Variants in BICDL1 observed in about 807,000 individuals in gnomAD.
BICDL1 encodes BICD family like cargo adaptor 1.
BICDL1 carries 20 observed loss-of-function variants against 76.8 expected under a neutral mutation model. That is an observed-to-expected ratio of 0.26 (90% CI 0.18 to 0.38). The LOEUF is 0.38. BICDL1 is among the 10% of genes least tolerant of loss of function. The pLI is 1.00. For synonymous variants in BICDL1, 383 were observed against 337.1 expected (o/e 1.14, Z -1.49); for missense variants, 700 against 798.6 (o/e 0.88, Z 1.49).
intron 2 of BICDL1, among the ~76,000 whole-genome samples, chr12:120,043,083 G>T (rs1157762992): frequency 6.6e-6 from 1 of 152,238 alleles, no homozygotes; most frequent in East Asian, 1.9e-4. Context: ...CCTAATCTTG[G>T]CTAGCTTCAG....
intron 3 of BICDL1, among the ~76,000 whole-genome samples, chr12:120,064,111 A>C (rs904809055): frequency 6.6e-5 from 10 of 152,226 alleles, no homozygotes; most frequent in Non-Finnish European, 1.5e-4. Flanking sequence ...TAAAGTCAGC[A>C]TTCACTTGTA....
chr12:120,089,378 G>T (rs1874757785), intron 8 of BICDL1, among the ~76,000 whole-genome samples: 1 of 148,822 alleles, frequency 6.7e-6, no homozygotes, highest in Non-Finnish European at 1.5e-5. Flanking sequence ...CTTTCAACGT[G>T]TGTGTGTGTG....
At chr12:120,011,846 C>A (rs1001496359) in intron 2 of BICDL1, among the ~76,000 whole-genome samples, 19 of 152,046 alleles carry the variant, frequency 1.2e-4, no homozygotes, top group African/African-American at 4.3e-4. Context: ...AATGAATTGA[C>A]CTGGAAAACA....
chr12:120,084,919 CT>C (rs1157913193), intron 8 of BICDL1, among the ~76,000 whole-genome samples: 1 of 151,264 alleles, frequency 6.6e-6, no homozygotes, highest in African/African-American at 2.4e-5. Flanking sequence ...TACTCATACT[CT>C]AACCTCACTT....
At chr12:120,051,056 G>C (rs1016553152) in intron 2 of BICDL1, among the ~76,000 whole-genome samples, 2 of 150,356 alleles carry the variant, frequency 1.3e-5, no homozygotes, top group Admixed American at 1.3e-4. Context: ...CCCCGAGACA[G>C]AGTCTTGCTC....
chr12:120,088,660 CT>C (rs1829499974), intron 8 of BICDL1, among the ~76,000 whole-genome samples: 1 of 138,392 alleles, frequency 7.2e-6, no homozygotes, highest in Admixed American at 7.4e-5. Context: ...CCTGGCCACA[CT>C]TTATGGGGTT....
At chr12:120,014,015 C>G (rs1272460337) in intron 2 of BICDL1, among the ~76,000 whole-genome samples, 2 of 152,078 alleles carry the variant, frequency 1.3e-5, no homozygotes, top group Non-Finnish European at 2.9e-5. Context: ...GCACTAAGGC[C>G]GTAGGAGGAT....
chr12:120,012,659 T>C (rs1009696701), intron 2 of BICDL1, among the ~76,000 whole-genome samples: 5 of 152,218 alleles, frequency 3.3e-5, no homozygotes, highest in Admixed American at 6.5e-5. Flanking sequence ...GTAATAGATA[T>C]CAATTCTATG....
rs1317940303 is a variant in BICDL1 at position 120,074,506 on chromosome 12, A to T, written c.1372A>T (p.Arg458Ter). The T allele has an allele frequency of 7.8e-7, 1 of 1,281,838 alleles. No individual in the cohort carries two copies. Among genetic ancestry groups the T allele is most frequent in the Non-Finnish European group, 1.0e-6 (1 of 985,188 alleles). The allele number at this position is 1,281,838 out of a possible 1,614,324, so 79.4% of individuals were successfully genotyped here. The change falls in exon 7 of 10, where the codon AGA (arginine) becomes TGA (stop). Residue 458 changes from arginine (R) to a stop codon, truncating the protein, a stop_gained. Coordinates refer to ENST00000548673, the MANE Select transcript of BICDL1 (RefSeq NM_001367886.1). LOFTEE classifies it high-confidence loss of function. Reference sequence around the variant, plus strand: ...GATAAGGCAGACCAGTGAGGACTCGAGAGCCCTAAGGGAGCTCATGGAGGG... The same window carrying T: ...GATAAGGCAGACCAGTGAGGACTCGTGAGCCCTAAGGGAGCTCATGGAGGG... ...EQIRQTSEDSRALRELMEGER... is the reference protein window; with the variant it reads ...EQIRQTSEDS
intron 2 of BICDL1, among the ~76,000 whole-genome samples, chr12:120,052,335 G>C (rs1439729474): frequency 7.4e-6 from 1 of 135,852 alleles, no homozygotes; most frequent in Non-Finnish European, 1.6e-5. Flanking sequence ...CTCTTTCTCT[G>C]TTTCTCTTTT....
chr12:120,001,045 T>C (rs974040935), intron 2 of BICDL1, among the ~76,000 whole-genome samples: 8 of 152,308 alleles, frequency 5.3e-5, no homozygotes, highest in Admixed American at 5.2e-4. Context: ...TGTTATCCTT[T>C]CTGGCCTTGA....
chr12:120,049,678 C>T (rs976313578), intron 2 of BICDL1, among the ~76,000 whole-genome samples: 6 of 152,206 alleles, frequency 3.9e-5, no homozygotes, highest in Non-Finnish European at 5.9e-5. Flanking sequence ...AGTATTGCCT[C>T]GGTCCCATTC....
intron 2 of BICDL1, among the ~76,000 whole-genome samples, chr12:120,039,085 T>A (rs748761065): frequency 2.7e-5 from 4 of 150,690 alleles, no homozygotes; most frequent in Non-Finnish European, 4.4e-5. Context: ...TCACCTGAGG[T>A]CAGGAGTTTG....
intron 2 of BICDL1, among the ~76,000 whole-genome samples, chr12:120,005,176 A>G (rs989535933): frequency 2.6e-5 from 4 of 152,200 alleles, no homozygotes; most frequent in Non-Finnish European, 4.4e-5. Context: ...TGGCAAAAAG[A>G]ATTCATGTTC....
At chr12:120,091,595 A>G in intron 9 of BICDL1, 2 of 984,640 alleles carry the variant, frequency 2.0e-6, no homozygotes, top group Non-Finnish European at 2.4e-6. Context: ...AGAGAAGGGA[A>G]GAAGACAAGG....
At chr12:120,037,588 A>G (rs1952552547) in intron 2 of BICDL1, among the ~76,000 whole-genome samples, 1 of 152,164 alleles carries the variant, frequency 6.6e-6, no homozygotes, top group South Asian at 2.1e-4. Context: ...TATACCTGAA[A>G]GCTTCCACAG....
chr12:120,091,637 G>C (rs1006715627), intron 9 of BICDL1: 1 of 985,020 alleles, frequency 1.0e-6, no homozygotes, highest in Admixed American at 6.2e-5. Flanking sequence ...AGCTGAGTCT[G>C]AAAGACAGGG....
intron 2 of BICDL1, among the ~76,000 whole-genome samples, chr12:120,059,593 A>G (rs1953059427): frequency 6.6e-6 from 1 of 152,016 alleles, no homozygotes; most frequent in Non-Finnish European, 1.5e-5. Flanking sequence ...TATTTTTAGT[A>G]GAGATAGGGT....
chr12:119,989,843 C>T lies in BICDL1; in HGVS notation c.-26C>T, dbSNP rs1397272550. ...CTGGCGCGCGCGGGCCGGGCCGCAC[C>T]GCTGCGGGCTCCGCGCGCGCGGGCC... On this transcript the variant is annotated 5_prime_UTR_variant, in exon 1 of 10. Coordinates refer to ENST00000548673, the MANE Select transcript of BICDL1 (RefSeq NM_001367886.1). 6 of 1,291,890 alleles carry T rather than the reference C, an allele frequency of 4.6e-6. No individual in the cohort carries two copies. The highest frequency in any genetic ancestry group is 6.9e-5 in the East Asian group (2 of 29,144). 80.0% of individuals were successfully genotyped at this position (1,291,890 alleles called of 1,614,324 possible). A position where few individuals can be genotyped will look rare whatever the true frequency, so the allele number is the denominator to read the frequency against.
Sources: allele counts gnomAD v4.1 joint callset (sites outside exome capture counted in the v4.1 genomes callset), GRCh38; gene constraint gnomAD v4.1.1; transcripts MANE v1.5; gene names NCBI Gene and HGNC (gene_info 2026-07-23, HGNC 2026-07-21).